SLC25A13: variants seen among roughly 807,000 people sequenced by gnomAD.
SLC25A13 encodes the protein electrogenic aspartate/glutamate antiporter SLC25A13, mitochondrial.
A neutral mutation model predicts 85.5 loss-of-function variants in SLC25A13; 70 were observed. The observed-to-expected ratio is 0.82, with a 90% CI of 0.68 to 1.00. The LOEUF (loss-of-function observed/expected upper bound fraction) is 1.00, where lower values mean the gene tolerates loss of function less well. SLC25A13 is among the 50% of genes least tolerant of loss of function. The pLI, the probability that SLC25A13 is intolerant of heterozygous loss-of-function variation, is 0.00. For missense variants in SLC25A13, 765 were observed against 819.8 expected (o/e 0.93, Z 0.82); for synonymous variants, 259 against 288.7 (o/e 0.90, Z 1.04).
At chr7:96,159,276 T>C (rs1042507052) in intron 13 of SLC25A13, among the ~76,000 whole-genome samples, 1 of 152,176 alleles carries the variant, frequency 6.6e-6, no homozygotes, top group Non-Finnish European at 1.5e-5. Context: ...TAGGGCTGAA[T>C]TGCGTCTCTC....
At chr7:96,199,308 A>G (rs1045553793) in intron 5 of SLC25A13, among the ~76,000 whole-genome samples, 1 of 152,222 alleles carries the variant, frequency 6.6e-6, no homozygotes, top group Non-Finnish European at 1.5e-5. Flanking sequence ...GAAAAAGATG[A>G]TTGTAGAAAT....
intron 11 of SLC25A13, among the ~76,000 whole-genome samples, chr7:96,178,686 T>A (rs1794315296): frequency 6.6e-6 from 1 of 152,162 alleles, no homozygotes; most frequent in African/African-American, 2.4e-5. Context: ...TCTGCAGCTA[T>A]CAGCACTTTG....
intron 1 of SLC25A13, among the ~76,000 whole-genome samples, chr7:96,317,412 G>GA (rs562472204): frequency 9.3e-4 from 141 of 152,100 alleles, no homozygotes; most frequent in African/African-American, 3.3e-3. Flanking sequence ...AATTTTAAAT[G>GA]AATCAACAAT....
chr7:96,185,155 G>C (rs921061546), intron 9 of SLC25A13, 144 bp from the exon 10 acceptor site: 26 of 560,958 alleles, frequency 4.6e-5, no homozygotes, highest in African/African-American at 3.6e-4. Context: ...GAAAAAAGTA[G>C]GAATGGATTT....
intron 4 of SLC25A13, among the ~76,000 whole-genome samples, chr7:96,209,519 CTT>C (rs1220493121): frequency 1.3e-5 from 2 of 151,898 alleles, no homozygotes; most frequent in African/African-American, 2.4e-5. Flanking sequence ...AAGTCCAACA[CTT>C]TATCGAGCTG....
At chr7:96,139,266 T>C (rs1311780632) in intron 14 of SLC25A13, among the ~76,000 whole-genome samples, 2 of 152,206 alleles carry the variant, frequency 1.3e-5, no homozygotes, top group South Asian at 2.1e-4. Flanking sequence ...TTGGGTACTA[T>C]GCTCACTACC....
At chr7:96,218,803 C>T (rs902971999) in intron 4 of SLC25A13, among the ~76,000 whole-genome samples, 14 of 152,252 alleles carry the variant, frequency 9.2e-5, no homozygotes, top group African/African-American at 2.9e-4. Context: ...GAGAGGACTG[C>T]TGAAGGCCCA....
At chr7:96,262,774 T>C (rs760407472) in intron 3 of SLC25A13, among the ~76,000 whole-genome samples, 7 of 152,166 alleles carry the variant, frequency 4.6e-5, no homozygotes, top group Non-Finnish European at 1.0e-4. Flanking sequence ...GTAGAGCAGA[T>C]TGAGCACAAG....
intron 13 of SLC25A13, among the ~76,000 whole-genome samples, chr7:96,162,291 T>C (rs1385189959): frequency 6.6e-6 from 1 of 152,174 alleles, no homozygotes; most frequent in Non-Finnish European, 1.5e-5. Context: ...TATGAAATCT[T>C]AAGGGATTTC....
chr7:96,173,105 A>C lies in SLC25A13; in HGVS notation c.1178-1581T>G, dbSNP rs552918246. Among the ~76,000 whole-genome samples the C allele has an allele frequency of 5.9e-5, 9 of 152,294 alleles. No homozygotes were observed. The East Asian group carries it at 1.5e-3, about 26-fold the overall frequency. On this transcript the variant is annotated intron_variant, in intron 11 of 17. Coordinates refer to ENST00000265631, the MANE Select transcript of SLC25A13 (RefSeq NM_014251.3). ...TTACTGATATCGTCACAATTGATAAAATTTTTTCTTTGCTCATAGCCTTAT... is the reference window on the plus strand; with the variant it reads ...TTACTGATATCGTCACAATTGATAACATTTTTTCTTTGCTCATAGCCTTAT...
chr7:96,291,517 T>A (rs1220818152), intron 2 of SLC25A13, among the ~76,000 whole-genome samples: 1 of 151,852 alleles, frequency 6.6e-6, no homozygotes, highest in African/African-American at 2.4e-5. Flanking sequence ...TCAACAAAAT[T>A]GATAGACTGC....
At chr7:96,276,962 T>C (rs556558092) in intron 3 of SLC25A13, among the ~76,000 whole-genome samples, 10 of 152,300 alleles carry the variant, frequency 6.6e-5, no homozygotes, top group African/African-American at 2.4e-4. Context: ...AGTTCTCTGA[T>C]ACGATAAAGC....
chr7:96,258,704 G>GA (rs1194170028), intron 3 of SLC25A13, among the ~76,000 whole-genome samples: 3 of 152,052 alleles, frequency 2.0e-5, no homozygotes, highest in Non-Finnish European at 4.4e-5. Context: ...CACAGAATTA[G>GA]AAAAAACTAC....
intron 15 of SLC25A13, among the ~76,000 whole-genome samples, chr7:96,129,825 C>G (rs1356000700): frequency 6.6e-6 from 1 of 152,150 alleles, no homozygotes; most frequent in East Asian, 1.9e-4. Context: ...CATTGGTAGT[C>G]TGACCCCACA....
At position 96,131,890 on chromosome 7, in the gene SLC25A13, T is replaced by G; in HGVS notation, c.1453-9A>C. 1 of 1,613,844 alleles carries G rather than the reference T, an allele frequency of 6.2e-7. No homozygotes were observed. The highest frequency in any genetic ancestry group is 8.5e-7 in the Non-Finnish European group (1 of 1,179,902). On this transcript the variant is annotated splice_polypyrimidine_tract_variant and intron_variant, in intron 14 of 17. Coordinates refer to ENST00000265631, the MANE Select transcript of SLC25A13 (RefSeq NM_014251.3). ...AAGCATGCTTTGGCACCCTGCACATTTGCAAAGGAAGAAAAACCACATGAA... is the reference window on the plus strand; with the variant it reads ...AAGCATGCTTTGGCACCCTGCACATGTGCAAAGGAAGAAAAACCACATGAA...
intron 3 of SLC25A13, among the ~76,000 whole-genome samples, chr7:96,265,525 CTACAT>C (rs1329017512): frequency 2.6e-5 from 4 of 152,182 alleles, no homozygotes; most frequent in Non-Finnish European, 5.9e-5. Flanking sequence ...AACCACCATA[CTACAT>C]TAAAGAGTTC....
At chr7:96,181,097 T>C (rs1794403667) in intron 11 of SLC25A13, among the ~76,000 whole-genome samples, 1 of 152,174 alleles carries the variant, frequency 6.6e-6, no homozygotes, top group African/African-American at 2.4e-5. Context: ...CTAGGAAAAT[T>C]TGCCATTTTC....
At chr7:96,202,366 C>G (rs985323800) in intron 5 of SLC25A13, among the ~76,000 whole-genome samples, 2 of 152,190 alleles carry the variant, frequency 1.3e-5, no homozygotes, top group South Asian at 4.1e-4. Flanking sequence ...ATAAAATACT[C>G]AAGCCCTTGT....
intron 4 of SLC25A13, among the ~76,000 whole-genome samples, chr7:96,223,425 G>A (rs1016799056): frequency 1.3e-5 from 2 of 152,224 alleles, no homozygotes; most frequent in Admixed American, 1.3e-4. Context: ...CTAAGAAACT[G>A]GTATTGTATA....
Sources: gnomAD v4.1 joint callset for allele counts (sites outside exome capture counted in the v4.1 genomes callset) on GRCh38, gnomAD v4.1.1 for gene constraint, MANE v1.5 for transcripts, NCBI Gene and HGNC (gene_info 2026-07-23, HGNC 2026-07-21) for gene names.